The following SCAF4 variants were observed in gnomAD, a reference collection of about 807,000 sequenced individuals.
The protein encoded by SCAF4 is SR-related and CTD-associated factor 4.
A neutral mutation model predicts 129.8 loss-of-function variants in SCAF4; 25 were observed. That is an observed-to-expected ratio of 0.19 (90% CI 0.14 to 0.27). The LOEUF (loss-of-function observed/expected upper bound fraction) is 0.27, where lower values mean the gene tolerates loss of function less well. SCAF4 is among the 10% of genes least tolerant of loss of function. SCAF4 has a pLI of 1.00. For missense variants in SCAF4, 1,246 were observed against 1,457.1 expected, an observed-to-expected ratio of 0.86 and a Z score of 2.36; for synonymous variants, 551 against 497.7, an observed-to-expected ratio of 1.11 and a Z score of -1.43.
chr21:31,719,288 C>T (rs1289212641), intron 1 of SCAF4, among the ~76,000 whole-genome samples: 1 of 150,920 alleles, frequency 6.6e-6, no homozygotes, highest in Admixed American at 6.6e-5. Flanking sequence ...GAAACTCTGT[C>T]CCAAAAAAAA....
chr21:31,693,348 C>G lies in SCAF4; in HGVS notation c.1459G>C (p.Glu487Gln). 6.5e-7 allele frequency: 1 copy of G among 1,547,170 alleles called. No individual in the cohort carries two copies. Among genetic ancestry groups the G allele is most frequent in the Non-Finnish European group, 8.8e-7 (1 of 1,133,574 alleles). ...AGGCCTTTTTGTCGACGTTCTCTCT[C>G]TTTTTCTCGATCCCGTCTTTCTTGA... ...RSQERRDREK[E>Q]RERRQKGLPQ... The change falls in exon 12 of 20, where the codon GAG (glutamate) becomes CAG (glutamine). Residue 487 changes from glutamate (E) to glutamine (Q), a missense_variant. Physicochemically the swap from Glu to Gln is conservative, Grantham distance 29 (BLOSUM62 2). Transcript: ENST00000286835.
At chr21:31,730,696 A>C (rs1053998130) in intron 1 of SCAF4, among the ~76,000 whole-genome samples, 1 of 152,222 alleles carries the variant, frequency 6.6e-6, no homozygotes, top group African/African-American at 2.4e-5. Context: ...CTGCATTTTA[A>C]ATCATCAATG....
chr21:31,685,686 C>T lies in SCAF4; in HGVS notation c.2091G>A (p.Pro697=), dbSNP rs199940701. ...TTCCCAGAGGAGGCGTGAAAGCAGG[C>T]GGCTGGAGAGCACCAACTACAGGTG... The part of the protein sequence containing the change: ...PGPPVVGALQ[P]PAFTPPLGIP... Residue 697 remains proline (P), a synonymous_variant, in exon 17 of 20, where the codon CCG becomes CCA. Coordinates refer to ENST00000286835, the MANE Select transcript of SCAF4 (RefSeq NM_020706.2). 54 of 1,611,566 alleles carry T rather than the reference C, an allele frequency of 3.4e-5. No homozygotes were observed. Among genetic ancestry groups the T allele is most frequent in the African/African-American group, 3.1e-4 (23 of 74,958 alleles).
At chr21:31,712,950 C>T in intron 1 of SCAF4, 1 of 761,504 alleles carries the variant, frequency 1.3e-6, no homozygotes, top group Non-Finnish European at 1.6e-6. Flanking sequence ...AACTCCTACC[C>T]CCTCTCACAT....
chr21:31,677,215 G>T (rs2049880589), intron 19 of SCAF4, among the ~76,000 whole-genome samples: 1 of 151,912 alleles, frequency 6.6e-6, no homozygotes. Flanking sequence ...TGCTCCAATG[G>T]TTACACCTGT....
At chr21:31,679,944 T>A (rs1220360676) in intron 19 of SCAF4, among the ~76,000 whole-genome samples, 1 of 152,124 alleles carries the variant, frequency 6.6e-6, no homozygotes, top group Non-Finnish European at 1.5e-5. Flanking sequence ...ACTATTAGAG[T>A]CAATAAACTT....
At position 31,731,785 on chromosome 21, in the gene SCAF4, G is replaced by T; in HGVS notation, c.-93C>A. ...GGCTGGGAAACCAGCCGGGCCTGGT[G>T]GCCGGGGGGAGGCGACGAGCGGCGG... On this transcript the variant is annotated 5_prime_UTR_variant, in exon 1 of 20. Transcript: ENST00000286835. 7.1e-7 allele frequency: 1 copy of T among 1,404,540 alleles called. No individual in the cohort carries two copies. Among genetic ancestry groups the T allele is most frequent in the Non-Finnish European group, 9.4e-7 (1 of 1,068,948 alleles). 87.0% of individuals were successfully genotyped at this position (1,404,540 alleles called of 1,614,324 possible).
intron 1 of SCAF4, among the ~76,000 whole-genome samples, chr21:31,730,403 T>C (rs925149884): frequency 4.6e-5 from 7 of 152,318 alleles, no homozygotes; most frequent in Non-Finnish European, 1.0e-4. Context: ...ACCCATCAAT[T>C]GAAGAAAATC....
At chr21:31,692,003 A>G in intron 13 of SCAF4, 73 bp from the exon 14 acceptor site, 2 of 743,008 alleles carry the variant, frequency 2.7e-6, no homozygotes, top group Non-Finnish European at 4.5e-6. Flanking sequence ...CCAAGTAAGC[A>G]GTTCCAACAA....
chr21:31,698,318 T>G (rs1161618254), intron 7 of SCAF4, among the ~76,000 whole-genome samples: 1 of 152,180 alleles, frequency 6.6e-6, no homozygotes, highest in Non-Finnish European at 1.5e-5. Context: ...AATTCCTTTT[T>G]CTAAACTTAT....
At position 31,702,314 on chromosome 21, in the gene SCAF4, T is replaced by G. The variant is rs545247195; in HGVS notation, c.387A>C (p.Gln129His). Residue 129 changes from glutamine to histidine, a missense_variant, in exon 5 of 20, where the codon CAA (glutamine) becomes CAC (histidine). By Grantham distance (24) the Gln-to-His change is conservative. Around this residue, in one of 6 missense-constraint regions of SCAF4, gnomAD observed 143 missense variants for 161.0 expected, o/e 0.89. Transcript: ENST00000286835. ...KNGVFKIEII[Q>H]PLLDMAAGTS... ...TTCCCGCTGCCATGTCCAAAAGAGG[T>G]TGAATAATTTCAATTTTGAACACTC... 6.2e-7 allele frequency: 1 copy of G among 1,613,902 alleles called. No individual in the cohort carries two copies.
At chr21:31,687,246 T>C (rs1300972445) in intron 16 of SCAF4, among the ~76,000 whole-genome samples, 1 of 152,222 alleles carries the variant, frequency 6.6e-6, no homozygotes, top group Non-Finnish European at 1.5e-5. Flanking sequence ...CAAGTTCTTA[T>C]AATTTTCAAA....
intron 1 of SCAF4, among the ~76,000 whole-genome samples, chr21:31,709,855 A>T (rs1453630658): frequency 1.8e-5 from 2 of 109,594 alleles, no homozygotes; most frequent in East Asian, 2.7e-4. Context: ...GATGATACTT[A>T]AAAAAAAAAA....
intron 1 of SCAF4, among the ~76,000 whole-genome samples, chr21:31,728,898 A>C (rs983046142): frequency 2.0e-5 from 3 of 152,164 alleles, no homozygotes. Flanking sequence ...ATGACTTGTG[A>C]TAAGGGTATC....
chr21:31,708,463 A>G (rs1049039034), intron 1 of SCAF4, among the ~76,000 whole-genome samples: 1 of 152,178 alleles, frequency 6.6e-6, no homozygotes, highest in Non-Finnish European at 1.5e-5. Context: ...ACAATTTAAC[A>G]TATTTCAACT....
intron 1 of SCAF4, among the ~76,000 whole-genome samples, chr21:31,723,631 C>T (rs57801319): frequency 0.15 from 12,803 of 85,236 alleles, 832 homozygotes; most frequent in African/African-American, 0.27. Flanking sequence ...TGTGTGTGTG[C>T]GCGCGCGCGC....
intron 19 of SCAF4, chr21:31,684,033 A>G (rs1445098066): frequency 6.5e-6 from 1 of 153,636 alleles, no homozygotes; most frequent in African/African-American, 2.4e-5. Context: ...AATATAGTAC[A>G]TGCAAAAAAT....
chr21:31,725,521 C>A (rs1383049925), intron 1 of SCAF4, among the ~76,000 whole-genome samples: 6 of 152,254 alleles, frequency 3.9e-5, no homozygotes, highest in Non-Finnish European at 7.4e-5. Context: ...TTAAAGATAA[C>A]CATGAATATA....
chr21:31,672,208 G>C lies in SCAF4; in HGVS notation c.2635C>G (p.Arg879Gly). The C allele has an allele frequency of 6.2e-7, 1 of 1,608,838 alleles. No homozygotes were observed. Among genetic ancestry groups the C allele is most frequent in the Non-Finnish European group, 8.5e-7 (1 of 1,177,134 alleles). ...HLQRFPLMPP[R>G]PMPPHMMHRG... ...TGCATCATGTGCGGTGGCATGGGAC[G>C]GGGCGGCATCAAAGGGAACCGCTGT... is the stretch of plus-strand genomic sequence containing the variant. Residue 879 changes from arginine (R) to glycine (G), a missense_variant, in exon 20 of 20, where the codon CGT becomes GGT. Transcript: ENST00000286835.
Sources: gnomAD v4.1 joint callset for allele counts (sites outside exome capture counted in the v4.1 genomes callset) on GRCh38, gnomAD v4.1.1 for gene constraint, gnomAD v4.1.1 regional missense constraint, MANE v1.5 for transcripts, NCBI Gene and HGNC (gene_info 2026-07-23, HGNC 2026-07-21) for gene names.